Variants in BABAM2 observed in about 807,000 individuals in gnomAD.
BABAM2 encodes the protein BRISC and BRCA1 A complex member 2, also known as BRISC and BRCA1-A complex member 2.
Under a neutral mutation model 54.7 loss-of-function variants are expected in BABAM2, and 31 were observed. The observed-to-expected ratio is 0.57, with a 90% CI of 0.43 to 0.77. The LOEUF (loss-of-function observed/expected upper bound fraction) is 0.77. Among genes scored for constraint, BABAM2 ranks in the 30% least tolerant of loss-of-function variants. The probability of loss-of-function intolerance (pLI) is 0.00; values close to 1 mark genes in which losing one functional copy is unlikely to be tolerated. For missense variants in BABAM2, 364 were observed against 455.8 expected, an observed-to-expected ratio of 0.80 and a Z score of 1.83; for synonymous variants, 167 against 162.9, an observed-to-expected ratio of 1.03 and a Z score of -0.19.
intron 2 of BABAM2, chr2:27,896,627 C>T (rs981152233): frequency 1.3e-5 from 2 of 155,446 alleles, no homozygotes; most frequent in South Asian, 1.7e-4. Flanking sequence ...AGGCTAGTGG[C>T]TAGGGTATGT....
In BABAM2 at chr2:27,988,007, A is replaced by T; in HGVS notation, c.220A>T (p.Asn74Tyr). The T allele has an allele frequency of 1.2e-6, 2 of 1,612,536 alleles. No homozygotes were observed. The highest frequency in any genetic ancestry group is 1.7e-6 in the Non-Finnish European group (2 of 1,178,654). Residue 74 changes from asparagine (N) to tyrosine (Y), a missense_variant, in exon 4 of 12, where the codon AAT becomes TAT. Coordinates refer to ENST00000379624, the MANE Select transcript of BABAM2 (RefSeq NM_199191.3). ...GETLKWDIIF[N>Y]AQYPELPPDF... ...TTTTATTTCAGGGGATATCATTTTCAATGCCCAATACCCAGAACTGCCTCC... is the reference window on the plus strand; with the variant it reads ...TTTTATTTCAGGGGATATCATTTTCTATGCCCAATACCCAGAACTGCCTCC...
chr2:28,029,180 A>G lies in BABAM2; in HGVS notation c.495+3760A>G, dbSNP rs191154383. ...CAAATCAAGTTGTTTGTTCAGTTCA[A>G]GGTTTTTTTCCTTTTGTAAAGTCTT... On this transcript the variant is annotated intron_variant, in intron 5 of 11. Transcript: ENST00000379624. 2.5e-3 allele frequency among the ~76,000 whole-genome samples: 388 copies of G among 152,300 alleles called. 1 individual carries two copies. The highest frequency in any genetic ancestry group is 8.8e-3 in the African/African-American group (367 of 41,572).
At chr2:27,941,561 A>G (rs1369418597) in intron 3 of BABAM2, among the ~76,000 whole-genome samples, 1 of 152,138 alleles carries the variant, frequency 6.6e-6, no homozygotes, top group Non-Finnish European at 1.5e-5. Flanking sequence ...GTCTCAAAAA[A>G]AAAAAAAGAG....
chr2:28,255,285 T>C (rs991830951), intron 10 of BABAM2, among the ~76,000 whole-genome samples: 4 of 152,148 alleles, frequency 2.6e-5, no homozygotes, highest in Non-Finnish European at 2.9e-5. Context: ...CATTCCGTCT[T>C]TTTTTTAAGA....
At chr2:27,922,763 G>A (rs889176132) in intron 2 of BABAM2, among the ~76,000 whole-genome samples, 2 of 152,180 alleles carry the variant, frequency 1.3e-5, no homozygotes, top group African/African-American at 2.4e-5. Flanking sequence ...GAACACTGAT[G>A]AAATATAGTT....
At chr2:28,000,792 GTTC>G (rs1338247387) in intron 4 of BABAM2, among the ~76,000 whole-genome samples, 1 of 152,056 alleles carries the variant, frequency 6.6e-6, no homozygotes, top group Non-Finnish European at 1.5e-5. Context: ...TATTTATTTT[GTTC>G]TTCAAATTCT....
intron 6 of BABAM2, among the ~76,000 whole-genome samples, chr2:28,058,021 G>C (rs1678568944): frequency 6.6e-6 from 1 of 152,068 alleles, no homozygotes; most frequent in Admixed American, 6.6e-5. Flanking sequence ...GCGGGCACCT[G>C]GAGTCCCAGC....
intron 10 of BABAM2, among the ~76,000 whole-genome samples, chr2:28,275,265 C>T (rs751371646): frequency 6.6e-6 from 1 of 152,172 alleles, no homozygotes; most frequent in Non-Finnish European, 1.5e-5. Flanking sequence ...ACTTTCTAGG[C>T]CTGTTGGTAT....
At chr2:28,175,668 GT>G (rs1674848380) in intron 7 of BABAM2, among the ~76,000 whole-genome samples, 1 of 152,182 alleles carries the variant, frequency 6.6e-6, no homozygotes, top group African/African-American at 2.4e-5. Flanking sequence ...CACCACTGCC[GT>G]GGCCATCATC....
chr2:28,042,079 TTGAA>T (rs1039833671), intron 5 of BABAM2, among the ~76,000 whole-genome samples: 8 of 152,062 alleles, frequency 5.3e-5, no homozygotes, highest in African/African-American at 1.9e-4. Context: ...TGCCGCCACT[TTGAA>T]TGTGAGGTGA....
chr2:28,088,647 A>C (rs1289495743), intron 6 of BABAM2, among the ~76,000 whole-genome samples: 3 of 152,174 alleles, frequency 2.0e-5, no homozygotes. Context: ...TCTAGGCTGC[A>C]CCCCAGACCA....
At chr2:27,914,123 A>G (rs1471654977) in intron 2 of BABAM2, among the ~76,000 whole-genome samples, 1 of 152,122 alleles carries the variant, frequency 6.6e-6, no homozygotes, top group Non-Finnish European at 1.5e-5. Flanking sequence ...AAAGCATTAC[A>G]CTCTAATGTT....
intron 7 of BABAM2, among the ~76,000 whole-genome samples, chr2:28,131,070 A>ATTTTTT: frequency 7.2e-4 from 5 of 6,954 alleles, no homozygotes; most frequent in Non-Finnish European, 5.0e-4. Flanking sequence ...TATTATTATT[A>ATTTTTT]TTATTATTAT....
At chr2:27,931,425 A>G (rs1668086208) in intron 3 of BABAM2, among the ~76,000 whole-genome samples, 1 of 152,064 alleles carries the variant, frequency 6.6e-6, no homozygotes. Flanking sequence ...TAAATAATAT[A>G]CTTTTGCCTC....
intron 6 of BABAM2, among the ~76,000 whole-genome samples, chr2:28,050,804 C>T (rs1677938568): frequency 6.6e-6 from 1 of 152,056 alleles, no homozygotes; most frequent in South Asian, 2.1e-4. Context: ...CTCTAAGTGG[C>T]ATAGCTTTTC....
chr2:27,970,488 C>T (rs1470872481), intron 3 of BABAM2, among the ~76,000 whole-genome samples: 1 of 152,162 alleles, frequency 6.6e-6, no homozygotes, highest in African/African-American at 2.4e-5. Context: ...ATATAGTTTA[C>T]AGTATCTATC....
At chr2:27,955,146 G>T (rs1399246649) in intron 3 of BABAM2, among the ~76,000 whole-genome samples, 2 of 152,162 alleles carry the variant, frequency 1.3e-5, no homozygotes, top group Non-Finnish European at 1.5e-5. Context: ...AAAGGTCCAG[G>T]ATTCCTAGCC....
chr2:28,224,851 CA>C (rs754146418), intron 7 of BABAM2, among the ~76,000 whole-genome samples: 14,644 of 83,740 alleles, frequency 0.17, 673 homozygotes, highest in Middle Eastern at 0.24. Flanking sequence ...GGTAAATTGA[CA>C]AAAAAAAAAA....
At chr2:28,201,868 G>A (rs1365968834) in intron 7 of BABAM2, among the ~76,000 whole-genome samples, 1 of 152,132 alleles carries the variant, frequency 6.6e-6, no homozygotes, top group Admixed American at 6.5e-5. Flanking sequence ...ATTAATAGAG[G>A]CCAGGCCATG....
Sources: allele counts gnomAD v4.1 joint callset (sites outside exome capture counted in the v4.1 genomes callset), GRCh38; gene constraint gnomAD v4.1.1; transcripts MANE v1.5; gene names NCBI Gene and HGNC (gene_info 2026-07-23, HGNC 2026-07-21).